Variants in ATP6AP2 observed in about 807,000 individuals in gnomAD.
ATP6AP2 encodes the protein ATPase H+ transporting accessory protein 2, also known as renin receptor.
Under a neutral mutation model 23.4 loss-of-function variants are expected in ATP6AP2, and 1 was observed. The observed-to-expected ratio is 0.04, with a 90% confidence interval of 0.02 to 0.20. ATP6AP2 has a LOEUF of 0.20. Ranked by LOEUF, ATP6AP2 falls within the 10% of genes least tolerant of loss-of-function variation. The probability of loss-of-function intolerance (pLI) is 1.00; values close to 1 mark genes in which losing one functional copy is unlikely to be tolerated. For synonymous variants in ATP6AP2, 90 were observed against 97.1 expected (o/e 0.93, Z 0.43); for missense variants, 174 against 271.3 (o/e 0.64, Z 2.52).
rs57899511 is a variant in ATP6AP2 at position 40,597,043 on chromosome X, T to C, written c.301-206T>C. On this transcript the variant is annotated intron_variant, in intron 3 of 8. Coordinates refer to ENST00000636580, the MANE Select transcript of ATP6AP2 (RefSeq NM_005765.3). ...GTTTAAGTTATTTTCCACTGAGGCA[T>C]GATGGGAGATACAGACTTGGCTTAC... is the stretch of plus-strand genomic sequence containing the variant. 4,401 of 414,739 alleles carry C rather than the reference T, an allele frequency of 0.011. 142 individuals are homozygous for C. The highest frequency in any genetic ancestry group is 0.097 in the African/African-American group (3,882 of 39,986). The allele number at this position is 414,739 out of a possible 1,213,427, so 34.2% of individuals were successfully genotyped here.
chrX:40,587,579 CCT>C (rs745659367), intron 1 of ATP6AP2, among the ~76,000 whole-genome samples: 2 of 112,448 alleles, frequency 1.8e-5, no homozygotes, highest in Admixed American at 9.4e-5. Flanking sequence ...ATTTCCATCC[CCT>C]GTTAGTGGTA....
intron 8 of ATP6AP2, among the ~76,000 whole-genome samples, chrX:40,604,237 A>G (rs1927013723): frequency 8.9e-6 from 1 of 112,242 alleles, no homozygotes; most frequent in African/African-American, 3.2e-5. Flanking sequence ...AATAATAAAA[A>G]TAATAACACT....
intron 1 of ATP6AP2, among the ~76,000 whole-genome samples, chrX:40,583,969 T>C (rs972817505): frequency 1.8e-5 from 2 of 111,679 alleles, no homozygotes; most frequent in African/African-American, 6.5e-5. Flanking sequence ...AGATGTAGAA[T>C]AGGAAAGCAG....
intron 7 of ATP6AP2, 79 bp from the exon 8 acceptor site, chrX:40,600,683 A>G: frequency 9.8e-7 from 1 of 1,015,935 alleles, no homozygotes. Flanking sequence ...TGATAAATAT[A>G]TATGATTTTA....
At chrX:40,593,343 A>G (rs189936375) in intron 3 of ATP6AP2, among the ~76,000 whole-genome samples, 48 of 111,184 alleles carry the variant, frequency 4.3e-4, no homozygotes, top group Middle Eastern at 4.7e-3. Flanking sequence ...TACTTCTATG[A>G]GTTCAACTTA....
chrX:40,599,319 G>T (rs1456934740), intron 6 of ATP6AP2: 4 of 333,621 alleles, frequency 1.2e-5, no homozygotes, highest in Non-Finnish European at 2.1e-5. Flanking sequence ...CCATACCTGA[G>T]TTTTTAAAAC....
chrX:40,602,374 G>C (rs1049285739), intron 8 of ATP6AP2, among the ~76,000 whole-genome samples: 6 of 99,874 alleles, frequency 6.0e-5, no homozygotes, highest in Non-Finnish European at 1.1e-4. Context: ...GAGGAGGCCG[G>C]GTGCGGTGGC....
intron 2 of ATP6AP2, chrX:40,589,434 A>G (rs1265369612): frequency 1.8e-5 from 4 of 221,963 alleles, no homozygotes; most frequent in African/African-American, 1.2e-4. Flanking sequence ...GAGTGCTTCA[A>G]GCTTGGCTTC....
intron 1 of ATP6AP2, 38 bp downstream of exon 1, chrX:40,581,140 G>A: frequency 8.9e-7 from 1 of 1,118,701 alleles, no homozygotes; most frequent in Non-Finnish European, 1.2e-6. Flanking sequence ...GCCTGGGGAG[G>A]TCCTGCGCCG....
intron 4 of ATP6AP2, 90 bp from the exon 5 acceptor site, chrX:40,597,437 A>G (rs1926799965): frequency 9.2e-7 from 1 of 1,081,238 alleles, no homozygotes; most frequent in East Asian, 3.1e-5. Context: ...AAAATATAAA[A>G]CTAATTTATG....
intron 7 of ATP6AP2, 131 bp from the exon 8 acceptor site, chrX:40,600,631 C>T: frequency 1.4e-6 from 1 of 700,026 alleles, no homozygotes; most frequent in Non-Finnish European, 2.0e-6. Flanking sequence ...TGGACTTAAG[C>T]CATTCCACAA....
At chrX:40,599,808 A>G in intron 7 of ATP6AP2, 67 bp downstream of exon 7, 2 of 1,165,150 alleles carry the variant, frequency 1.7e-6, no homozygotes, top group South Asian at 1.8e-5. Context: ...TAATAGAAAA[A>G]TCTGCTGTTT....
At chrX:40,592,745 C>G (rs1339640553) in intron 3 of ATP6AP2, among the ~76,000 whole-genome samples, 1 of 109,313 alleles carries the variant, frequency 9.1e-6, no homozygotes, top group East Asian at 2.8e-4. Flanking sequence ...CTATGTGATG[C>G]TGAAGTTTTG....
Position 40,602,913 on chromosome X carries a change from C to CTTTTTTT in ATP6AP2, c.858+2054_858+2060dup, listed in dbSNP as rs1351897356. On this transcript the variant is annotated intron_variant, in intron 8 of 8. Coordinates refer to ENST00000636580, the MANE Select transcript of ATP6AP2 (RefSeq NM_005765.3). ...GAGTGGGGATGCCTCCCAGAGAATTCTTTTTTTTTTTTTTTTTTTTTTTTT... is the reference window on the plus strand; with the variant it reads ...GAGTGGGGATGCCTCCCAGAGAATTCTTTTTTTTTTTTTTTTTTTTTTTTTTTTTTTT... 1.3e-3 allele frequency among the ~76,000 whole-genome samples: 59 copies of CTTTTTTT among 45,231 alleles called. 8 individuals are homozygous for CTTTTTTT. The highest frequency in any genetic ancestry group is 6.3e-3 in the African/African-American group (51 of 8,101). 39.3% of individuals were successfully genotyped at this position (45,231 alleles called of 115,157 possible).
At chrX:40,605,528 C>T (rs1927051612) in intron 8 of ATP6AP2, 33 bp from the exon 9 acceptor site, 4 of 1,104,479 alleles carry the variant, frequency 3.6e-6, no homozygotes, top group Non-Finnish European at 5.0e-6. Context: ...AAAATTCTTC[C>T]CTCTTGATTT....
intron 3 of ATP6AP2, 184 bp downstream of exon 3, chrX:40,591,549 C>G (rs1926629264): frequency 5.8e-6 from 3 of 518,879 alleles, no homozygotes; most frequent in Non-Finnish European, 9.2e-6. Flanking sequence ...TTAACTGAGG[C>G]TTGGCTGTTC....
rs1555978081 is a variant in ATP6AP2, at chrX:40,600,931, T to TTA, written c.858+50_858+51insTA. ...TTAAAACTGTAAAATTAACTTCTTA[T>TTA]AAAAAAAAAAAAACCAAGTCCTATA... On this transcript the variant is annotated intron_variant, in intron 8 of 8. Transcript: ENST00000636580. 9.7e-5 allele frequency: 94 copies of TTA among 969,367 alleles called. No individual in the cohort carries two copies. The East Asian group carries it at 1.7e-3, about 17-fold the overall frequency. The allele number at this position is 969,367 out of a possible 1,213,427, so 79.9% of individuals were successfully genotyped here. A position where few individuals can be genotyped will look rare whatever the true frequency, so the allele number is the denominator to read the frequency against.
intron 1 of ATP6AP2, among the ~76,000 whole-genome samples, chrX:40,587,160 C>T (rs1474913057): frequency 1.8e-5 from 2 of 111,308 alleles, no homozygotes; most frequent in Non-Finnish European, 3.8e-5. Flanking sequence ...ATCCCAGCTA[C>T]TTGGGAGGCT....
At chrX:40,588,137 T>C (rs938353467) in intron 1 of ATP6AP2, among the ~76,000 whole-genome samples, 2 of 112,481 alleles carry the variant, frequency 1.8e-5, no homozygotes, top group African/African-American at 6.5e-5. Context: ...AAATACCTCA[T>C]CCTTAGCTGT....
Sources: gnomAD v4.1 joint callset for allele counts (sites outside exome capture counted in the v4.1 genomes callset) on GRCh38, gnomAD v4.1.1 for gene constraint, MANE v1.5 for transcripts, NCBI Gene and HGNC (gene_info 2026-07-23, HGNC 2026-07-21) for gene names.